GORASP2: variants seen among roughly 807,000 people sequenced by gnomAD.
GORASP2 encodes the protein golgi reassembly stacking protein 2.
Under a neutral mutation model 45.7 loss-of-function variants are expected in GORASP2, and 22 were observed. The ratio of observed to expected loss-of-function variants is 0.48; its 90% CI spans 0.34 to 0.69. The LOEUF is 0.69. Ranked by LOEUF, GORASP2 falls within the 30% of genes least tolerant of loss-of-function variation. GORASP2 has a pLI of 0.01. For missense variants in GORASP2, 491 were observed against 562.7 expected (o/e 0.87, Z 1.29); for synonymous variants, 221 against 215.6 (o/e 1.02, Z -0.22).
intron 2 of GORASP2, chr2:170,948,787 T>C (rs1054840113): frequency 1.2e-5 from 2 of 162,700 alleles, no homozygotes; most frequent in African/African-American, 4.8e-5. Flanking sequence ...CATCTCATTC[T>C]CTCAAACTCG....
Position 170,962,843 on chromosome 2 carries a change from G to C in GORASP2, c.915G>C (p.Leu305=), listed in dbSNP as rs750092781. The change falls in exon 9 of 10, where the codon CTG becomes CTC. Residue 305 remains leucine, a synonymous_variant. Transcript: ENST00000234160. ...PMNPATTLPG[L]MPLPAGLPNL... ...TCTTTTCTGCCTTCTCTTCAGGTCT[G>C]ATGCCTTTACCAGCAGGACTGCCCA... is the stretch of plus-strand genomic sequence containing the variant. The C allele has an allele frequency of 4.4e-6, 7 of 1,608,968 alleles. No homozygotes were observed. The highest frequency in any genetic ancestry group is 5.1e-6 in the Non-Finnish European group (6 of 1,175,402).
chr2:170,951,081 A>G (rs1376928580), intron 4 of GORASP2, among the ~76,000 whole-genome samples: 3 of 151,666 alleles, frequency 2.0e-5, no homozygotes, highest in Non-Finnish European at 4.4e-5. Context: ...ACTCGGGTGT[A>G]AAAGAATTGT....
intron 6 of GORASP2, among the ~76,000 whole-genome samples, chr2:170,956,142 A>C (rs1001572272): frequency 6.6e-6 from 1 of 152,196 alleles, no homozygotes; most frequent in African/African-American, 2.4e-5. Context: ...AGGAAAGAGG[A>C]GAGAGTAGAA....
intron 1 of GORASP2, among the ~76,000 whole-genome samples, chr2:170,943,290 A>AT (rs1399485007): frequency 6.6e-6 from 1 of 152,158 alleles, no homozygotes; most frequent in Non-Finnish European, 1.5e-5. Context: ...TACAAGTTTT[A>AT]TTTTTTCTTT....
Position 170,956,482 on chromosome 2 carries a change from C to T in GORASP2, c.746C>T (p.Thr249Ile), listed in dbSNP as rs1414327239. ...CCCCCGTCTTTGTCACCACCAGGAA[C>T]TACAGGAATTGAACAGAGTCTGACT... The part of the protein sequence containing the change: ...VNPPSLSPPG[T>I]TGIEQSLTGL... The change falls in exon 7 of 10, where the codon ACT becomes ATT. Residue 249 changes from threonine to isoleucine, a missense_variant. Physicochemically the swap from Thr to Ile is moderately conservative, Grantham distance 89. This residue lies in a region of GORASP2 where 297 missense variants were observed against 292.3 expected (regional missense o/e 1.02). Transcript: ENST00000234160. 2 of 1,613,244 alleles carry T rather than the reference C, an allele frequency of 1.2e-6. No individual in the cohort carries two copies. Among genetic ancestry groups the T allele is most frequent in the African/African-American group, 1.3e-5 (1 of 74,992 alleles).
At chr2:170,938,757 C>A (rs1704010891) in intron 1 of GORASP2, among the ~76,000 whole-genome samples, 1 of 152,144 alleles carries the variant, frequency 6.6e-6, no homozygotes, top group African/African-American at 2.4e-5. Flanking sequence ...CTTTGGGAGG[C>A]CGAGGCGGTG....
At chr2:170,946,248 C>T (rs557504998) in intron 1 of GORASP2, among the ~76,000 whole-genome samples, 1 of 152,254 alleles carries the variant, frequency 6.6e-6, no homozygotes, top group African/African-American at 2.4e-5. Context: ...TCCAATCCTC[C>T]TGCCTTGTCC....
At chr2:170,936,628 A>C in intron 1 of GORASP2, 1 of 1,300,118 alleles carries the variant, frequency 7.7e-7, no homozygotes, top group South Asian at 1.2e-5. Context: ...TTTAAGCATC[A>C]ATGAGAGAAG....
chr2:170,933,756 A>G (rs1178610514), intron 1 of GORASP2, among the ~76,000 whole-genome samples: 1 of 152,194 alleles, frequency 6.6e-6, no homozygotes, highest in Non-Finnish European at 1.5e-5. Flanking sequence ...GCAAGTATTC[A>G]GTGTGGAGAC....
chr2:170,929,798 A>G, intron 1 of GORASP2: 1 of 478,348 alleles, frequency 2.1e-6, no homozygotes, highest in Non-Finnish European at 4.3e-6. Flanking sequence ...CTGTGAAGGC[A>G]GCCTTTGCGC....
intron 5 of GORASP2, chr2:170,951,714 T>C (rs1704304908): frequency 1.3e-5 from 3 of 229,632 alleles, no homozygotes; most frequent in Admixed American, 5.5e-5. Context: ...TGAGAAATTA[T>C]TGCGCATAAG....
At chr2:170,945,591 G>T (rs1704165326) in intron 1 of GORASP2, among the ~76,000 whole-genome samples, 1 of 151,866 alleles carries the variant, frequency 6.6e-6, no homozygotes, top group African/African-American at 2.4e-5. Context: ...AAATGATTTG[G>T]TCCCAAATTT....
At chr2:170,960,363 G>A (rs1704528870) in intron 7 of GORASP2, among the ~76,000 whole-genome samples, 1 of 152,158 alleles carries the variant, frequency 6.6e-6, no homozygotes, top group South Asian at 2.1e-4. Flanking sequence ...TCGAAAAATT[G>A]TTGTATACAA....
intron 1 of GORASP2, among the ~76,000 whole-genome samples, chr2:170,935,259 CT>C (rs915992882): frequency 2.0e-5 from 3 of 151,068 alleles, no homozygotes; most frequent in Admixed American, 6.6e-5. Context: ...ATTATATACA[CT>C]TTTTTTTTCT....
chr2:170,949,589 G>A lies in GORASP2; in HGVS notation c.195G>A (p.Lys65=), dbSNP rs199770683. 4.8e-5 allele frequency: 78 copies of A among 1,613,818 alleles called. No individual in the cohort carries two copies. Among genetic ancestry groups the A allele is most frequent in the Middle Eastern group, 1.6e-4 (1 of 6,084 alleles). Residue 65 remains lysine, a synonymous_variant, in exon 3 of 10, where the codon AAG becomes AAA. Coordinates refer to ENST00000234160, the MANE Select transcript of GORASP2 (RefSeq NM_015530.5). ...ATCTGCTGAAAGCAAACGTTGAAAA[G>A]CCTGTAAAGATGCTTATCTATAGCA... ...LKDLLKANVE[K]PVKMLIYSSK...
intron 1 of GORASP2, among the ~76,000 whole-genome samples, chr2:170,930,174 A>G (rs1234143996): frequency 2.6e-5 from 4 of 152,182 alleles, no homozygotes; most frequent in Admixed American, 2.6e-4. Flanking sequence ...CCCTAGCTTA[A>G]CTTCCAGGAC....
At chr2:170,936,861 C>G in intron 1 of GORASP2, 1 of 253,506 alleles carries the variant, frequency 3.9e-6, no homozygotes, top group Non-Finnish European at 8.4e-6. Flanking sequence ...TGCACTCCAG[C>G]CTGGGTAACA....
intron 1 of GORASP2, among the ~76,000 whole-genome samples, chr2:170,930,731 C>T (rs1265953702): frequency 6.6e-6 from 1 of 152,010 alleles, no homozygotes; most frequent in East Asian, 1.9e-4. Context: ...AACCAAACAC[C>T]CAAGAGCCAC....
chr2:170,951,466 C>A lies in GORASP2; in HGVS notation c.566+8C>A. ...ATGGGGTGGAGAAGGCAGGTAAGGT[C>A]ATTTTTTAGACTAAGTTATGACTGC... On this transcript the variant is annotated splice_region_variant and intron_variant, in intron 5 of 9. Transcript: ENST00000234160. 6.3e-7 allele frequency: 1 copy of A among 1,598,590 alleles called. No homozygotes were observed. The highest frequency in any genetic ancestry group is 1.1e-5 in the South Asian group (1 of 88,582).
Sources: gnomAD v4.1 joint callset for allele counts (sites outside exome capture counted in the v4.1 genomes callset) on GRCh38, gnomAD v4.1.1 for gene constraint, gnomAD v4.1.1 regional missense constraint, MANE v1.5 for transcripts, NCBI Gene and HGNC (gene_info 2026-07-23, HGNC 2026-07-21) for gene names.